MRO: variants seen among roughly 807,000 people sequenced by gnomAD.
The protein encoded by MRO is maestro, also known as protein maestro.
MRO carries 28 observed loss-of-function variants against 31.0 expected under a neutral mutation model. The observed-to-expected ratio is 0.90, with a 90% CI of 0.67 to 1.24. MRO has a LOEUF of 1.24. MRO is among the 50% of genes most tolerant of loss of function. MRO has a pLI of 0.00. For missense variants in MRO, 332 were observed against 289.2 expected (o/e 1.15, Z -1.07); for synonymous variants, 108 against 108.4 (o/e 1.00, Z 0.02).
At chr18:50,824,459 C>A (rs900492980), upstream of MRO, among the ~76,000 whole-genome samples, 6 of 131,336 alleles carry the variant, frequency 4.6e-5, no homozygotes, top group Non-Finnish European at 8.4e-5. Flanking sequence ...TTTTTTCTTT[C>A]TTTTTTTTTT....
In MRO at chr18:50,819,962, C is replaced by T; in HGVS notation, c.-192G>A. ...CTTGCTGTGATTTCCCCTCCTTCTT[C>T]CCTCATGCCAGCCTGGTCGACACTT... On this transcript the variant is annotated 5_prime_UTR_variant, in exon 1 of 8. Coordinates refer to ENST00000398439, the MANE Select transcript of MRO (RefSeq NM_031939.6). 6.4e-7 allele frequency: 1 copy of T among 1,551,500 alleles called. No individual in the cohort carries two copies. Among genetic ancestry groups the T allele is most frequent in the Non-Finnish European group, 8.7e-7 (1 of 1,146,908 alleles).
At chr18:50,802,680 G>A (rs1433635819) in intron 5 of MRO, among the ~76,000 whole-genome samples, 3 of 152,022 alleles carry the variant, frequency 2.0e-5, no homozygotes, top group African/African-American at 4.8e-5. Context: ...TTTAGCACAT[G>A]ATGCATACAG....
chr18:50,814,028 A>C (rs1914683168), intron 2 of MRO, among the ~76,000 whole-genome samples: 1 of 152,136 alleles, frequency 6.6e-6, no homozygotes, highest in South Asian at 2.1e-4. Flanking sequence ...GAGTCAAAAA[A>C]CATGCTTGGT....
chr18:50,806,461 C>T lies in MRO; in HGVS notation c.246+243G>A, dbSNP rs919506434. Among the ~76,000 whole-genome samples the T allele has an allele frequency of 4.6e-5, 7 of 152,224 alleles. 1 individual carries two copies. The highest frequency in any genetic ancestry group is 4.1e-4 in the South Asian group (2 of 4,832). ...TCAGGAAGGAATGCAGTCTGGCAGA[C>T]GCTTGATTGCAGCCTCGTGAGATCC... On this transcript the variant is annotated intron_variant, in intron 4 of 7. Transcript: ENST00000398439.
chr18:50,818,068 A>G (rs1242705471), intron 2 of MRO, among the ~76,000 whole-genome samples: 1 of 146,930 alleles, frequency 6.8e-6, no homozygotes, highest in Non-Finnish European at 1.5e-5. Context: ...TTTACACCCA[A>G]TCCAACAAAA....
At chr18:50,821,214 A>G (rs1048083780), upstream of MRO, among the ~76,000 whole-genome samples, 8 of 152,180 alleles carry the variant, frequency 5.3e-5, no homozygotes, top group African/African-American at 1.9e-4. Context: ...GAGCCCTAAT[A>G]TGTGGCTGGT....
intron 5 of MRO, among the ~76,000 whole-genome samples, chr18:50,802,918 T>TGTA (rs1568126300): frequency 4.7e-4 from 45 of 96,316 alleles, no homozygotes; most frequent in South Asian, 1.0e-3. Context: ...GTGTGTGTAG[T>TGTA]GTGTGTGTGT....
chr18:50,807,327 C>T (rs183303665), intron 3 of MRO, among the ~76,000 whole-genome samples: 1 of 152,276 alleles, frequency 6.6e-6, no homozygotes, highest in East Asian at 1.9e-4. Context: ...CGTTTGTCTC[C>T]TCCCATTGCC....
intron 4 of MRO, 44 bp from the exon 5 acceptor site, chr18:50,805,380 C>A: frequency 1.3e-6 from 2 of 1,543,166 alleles, no homozygotes; most frequent in Non-Finnish European, 1.8e-6. Context: ...AGGAACTGCT[C>A]CCCATAGGTT....
chr18:50,815,555 A>G (rs565263419), intron 2 of MRO: 44 of 305,282 alleles, frequency 1.4e-4, no homozygotes, highest in South Asian at 1.4e-3. Context: ...TGATGGTTAC[A>G]TTGAAATTTT....
chr18:50,808,031 G>A (rs909050464), intron 3 of MRO, among the ~76,000 whole-genome samples: 17 of 152,332 alleles, frequency 1.1e-4, no homozygotes, highest in African/African-American at 3.6e-4. Context: ...AAGTTGCAGT[G>A]AGCTGAGATC....
At chr18:50,816,025 C>T (rs1914889123) in intron 2 of MRO, 1 of 152,212 alleles carries the variant, frequency 6.6e-6, no homozygotes, top group African/African-American at 2.4e-5. Context: ...TAGAGTGAGA[C>T]TCTGTCTCCA....
upstream of MRO, among the ~76,000 whole-genome samples, chr18:50,820,569 A>C (rs2144684489): frequency 6.6e-6 from 1 of 152,388 alleles, no homozygotes; most frequent in South Asian, 2.1e-4. Context: ...TTATGCTAAT[A>C]GATAACATTC....
chr18:50,800,105 C>T lies in MRO; in HGVS notation c.624G>A (p.Leu208=). 6.2e-7 allele frequency: 1 copy of T among 1,613,656 alleles called. No individual in the cohort carries two copies. Among genetic ancestry groups the T allele is most frequent in the South Asian group, 1.1e-5 (1 of 91,038 alleles). Residue 208 remains leucine, a synonymous_variant, in exon 7 of 8, where the codon CTG becomes CTA. Coordinates refer to ENST00000398439, the MANE Select transcript of MRO (RefSeq NM_031939.6). ...GGAAGCTGTATTCCTCCTTTAGTTTCAGATATGGAGAACAGGCTTGAAATG... is the reference window on the plus strand; with the variant it reads ...GGAAGCTGTATTCCTCCTTTAGTTTTAGATATGGAGAACAGGCTTGAAATG... ...KTTFQACSPY[L]KLKEEYSFQS...
chr18:50,799,627 T>C (rs947504826), intron 7 of MRO, among the ~76,000 whole-genome samples: 1 of 152,174 alleles, frequency 6.6e-6, no homozygotes, highest in Non-Finnish European at 1.5e-5. Flanking sequence ...CACAGTTGGC[T>C]TGGCCGGGCA....
chr18:50,809,011 G>A (rs934213976), intron 3 of MRO, among the ~76,000 whole-genome samples: 4 of 150,518 alleles, frequency 2.7e-5, no homozygotes, highest in Non-Finnish European at 6.0e-5. Flanking sequence ...AGTGGCGGGC[G>A]CCTGTAGTCC....
Position 50,798,929 on chromosome 18 carries a change from C to CA in MRO, c.*407dup, listed in dbSNP as rs34996472. On this transcript the variant is annotated 3_prime_UTR_variant, in exon 8 of 8. Coordinates refer to ENST00000398439, the MANE Select transcript of MRO (RefSeq NM_031939.6). ...ACACTAAAAAAAAACAAAACAACAA[C>CA]AACAAAAAAACAAAAAAACGCTTAA... 0.2 allele frequency: 29,957 copies of CA among 149,110 alleles called. 4,668 individuals are homozygous for CA. Among genetic ancestry groups the CA allele is most frequent in the African/African-American group, 0.42 (17,032 of 40,082 alleles). 9.2% of individuals were successfully genotyped at this position (149,110 alleles called of 1,614,324 possible). A position where few individuals can be genotyped will look rare whatever the true frequency, so the allele number is the denominator to read the frequency against.
At chr18:50,802,916 A>ATGT (rs1913512232) in intron 5 of MRO, among the ~76,000 whole-genome samples, 3 of 144,606 alleles carry the variant, frequency 2.1e-5, no homozygotes, top group Admixed American at 6.8e-5. Flanking sequence ...GTGTGTGTGT[A>ATGT]GTGTGTGTGT....
chr18:50,824,397 T>C (rs1915422920), upstream of MRO, among the ~76,000 whole-genome samples: 1 of 151,622 alleles, frequency 6.6e-6, no homozygotes, highest in African/African-American at 2.4e-5. Flanking sequence ...GCCATGATCA[T>C]GCCACTGCAC....
Sources: allele counts gnomAD v4.1 joint callset (sites outside exome capture counted in the v4.1 genomes callset), GRCh38; gene constraint gnomAD v4.1.1; transcripts MANE v1.5; gene names NCBI Gene and HGNC (gene_info 2026-07-23, HGNC 2026-07-21).